Variants in PALD1 observed in about 807,000 individuals in gnomAD.
The protein encoded by PALD1 is paladin.
Under a neutral mutation model 96.0 loss-of-function variants are expected in PALD1, and 57 were observed. The ratio of observed to expected loss-of-function variants is 0.59; its 90% CI spans 0.48 to 0.74. The LOEUF (loss-of-function observed/expected upper bound fraction) is 0.74, where lower values mean the gene tolerates loss of function less well. Among genes scored for constraint, PALD1 ranks in the 30% least tolerant of loss-of-function variants. The pLI is 0.00. For missense variants in PALD1, 1,063 were observed against 1,143.7 expected (o/e 0.93, Z 1.02); for synonymous variants, 464 against 473.6 (o/e 0.98, Z 0.26).
intron 12 of PALD1, 116 bp from the exon 13 acceptor site, chr10:70,538,776 G>T (rs1847167763): frequency 1.2e-6 from 1 of 855,780 alleles, no homozygotes. Context: ...GGAGTGCTTT[G>T]TAAACTGTGA....
At chr10:70,483,486 T>A (rs1845968187) in intron 1 of PALD1, among the ~76,000 whole-genome samples, 1 of 151,952 alleles carries the variant, frequency 6.6e-6, no homozygotes, top group Non-Finnish European at 1.5e-5. Context: ...TTTCAGAAAT[T>A]CCCCAAGGAG....
chr10:70,482,848 C>T (rs1330148498), intron 1 of PALD1, among the ~76,000 whole-genome samples: 1 of 152,096 alleles, frequency 6.6e-6, no homozygotes, highest in Non-Finnish European at 1.5e-5. Context: ...GCCTCCGAGG[C>T]TGTCTGGCTC....
chr10:70,491,687 A>C (rs1809619266), intron 1 of PALD1, among the ~76,000 whole-genome samples: 1 of 152,196 alleles, frequency 6.6e-6, no homozygotes, highest in South Asian at 2.1e-4. Flanking sequence ...AAACATTTTC[A>C]GTTCCAAAAC....
chr10:70,532,913 C>G lies in PALD1; in HGVS notation c.795-82C>G. The stretch of plus-strand genomic sequence containing the variant: ...ATGTCTCCCACAGTGGGGCCCATTT[C>G]CAAACAGTGCCCGGGAATAGGGGGT... On this transcript the variant is annotated intron_variant, in intron 6 of 19. Transcript: ENST00000263563. 2.0e-6 allele frequency: 3 copies of G among 1,514,324 alleles called. No homozygotes were observed. In the South Asian group the frequency reaches 3.5e-5, roughly 18 times the overall value. The allele number at this position is 1,514,324 out of a possible 1,614,324, so 93.8% of individuals were successfully genotyped here.
At chr10:70,461,468 G>A in the PALD1 span, among the ~76,000 whole-genome samples, 132 of 152,328 alleles carry the variant, frequency 8.7e-4, no homozygotes, top group African/African-American at 3.0e-3. Context: ...TGCCTCTCCC[G>A]TGCCTAGCAC....
At chr10:70,458,985 GC>G in the PALD1 span, among the ~76,000 whole-genome samples, 1 of 152,228 alleles carries the variant, frequency 6.6e-6, no homozygotes, top group African/African-American at 2.4e-5. Context: ...GTGCTGCACT[GC>G]TAAACCAAGG....
intron 2 of PALD1, 95 bp from the exon 3 acceptor site, chr10:70,529,134 G>A (rs1427018051): frequency 2.0e-5 from 13 of 650,444 alleles, no homozygotes; most frequent in Admixed American, 1.3e-4. Flanking sequence ...AGCCACAGGG[G>A]TTTTCCTGCG....
intron 2 of PALD1, among the ~76,000 whole-genome samples, chr10:70,526,777 A>G (rs1846877766): frequency 6.6e-6 from 1 of 152,194 alleles, no homozygotes; most frequent in Admixed American, 6.5e-5. Context: ...TGTTGGATCC[A>G]TCTCCTGGTG....
chr10:70,551,210 C>T (rs1052924154), intron 18 of PALD1, among the ~76,000 whole-genome samples: 11 of 152,190 alleles, frequency 7.2e-5, no homozygotes, highest in African/African-American at 2.7e-4. Context: ...CCCTACCACC[C>T]CTTCTCTCTA....
At chr10:70,524,701 A>G (rs1846816254) in intron 1 of PALD1, among the ~76,000 whole-genome samples, 1 of 152,104 alleles carries the variant, frequency 6.6e-6, no homozygotes, top group Non-Finnish European at 1.5e-5. Context: ...TCTGTCCTAG[A>G]TGTCTTTCCA....
At chr10:70,535,646 TC>T (rs1232141531) in intron 10 of PALD1, among the ~76,000 whole-genome samples, 2 of 146,254 alleles carry the variant, frequency 1.4e-5, no homozygotes, top group East Asian at 4.5e-4. Context: ...TCCTCCTCCC[TC>T]CTCCCTTCCT....
chr10:70,529,207 T>TTGGGGGG, intron 2 of PALD1, 22 bp from the exon 3 acceptor site: 1 of 391,774 alleles, frequency 2.6e-6, no homozygotes, highest in Non-Finnish European at 4.6e-6. Context: ...GTTTCCATTC[T>TTGGGGGG]GCCCCCCCCC....
intron 1 of PALD1, among the ~76,000 whole-genome samples, chr10:70,489,872 T>A (rs1287928493): frequency 3.3e-5 from 5 of 152,226 alleles, no homozygotes; most frequent in Non-Finnish European, 7.3e-5. Flanking sequence ...ATTCTAGACA[T>A]TTCATATAAA....
intron 1 of PALD1, among the ~76,000 whole-genome samples, chr10:70,494,250 A>G (rs371830176): frequency 2.6e-5 from 4 of 152,146 alleles, no homozygotes; most frequent in Non-Finnish European, 5.9e-5. Flanking sequence ...TCTTCCCTGC[A>G]TCTCCTTGTA....
intron 1 of PALD1, among the ~76,000 whole-genome samples, chr10:70,524,397 C>T (rs968325862): frequency 3.3e-5 from 5 of 152,134 alleles, no homozygotes; most frequent in African/African-American, 7.2e-5. Context: ...CTCTGGCTCT[C>T]GGACCCCTGA....
rs143066563 is a variant in PALD1, at chr10:70,544,608, A to C, written c.2122-2698A>C. On this transcript the variant is annotated intron_variant, in intron 17 of 19. Coordinates refer to ENST00000263563, the MANE Select transcript of PALD1 (RefSeq NM_014431.3). ...GAGGAGGGCACCTAGGATGACCTCGAGTTTCTGGCTTTGCAGTAGTGACAG... is the reference window on the plus strand; with the variant it reads ...GAGGAGGGCACCTAGGATGACCTCGCGTTTCTGGCTTTGCAGTAGTGACAG... 4.8e-3 allele frequency among the ~76,000 whole-genome samples: 733 copies of C among 152,124 alleles called. 1 individual carries two copies. Among genetic ancestry groups the C allele is most frequent in the African/African-American group, 0.017 (693 of 41,494 alleles).
chr10:70,560,149 G>A (rs1847707268), intron 18 of PALD1, among the ~76,000 whole-genome samples: 1 of 152,218 alleles, frequency 6.6e-6, no homozygotes, highest in South Asian at 2.1e-4. Context: ...GGCAGAGGAG[G>A]CTAAGAAGGG....
At chr10:70,553,954 T>C (rs1320025198) in intron 18 of PALD1, among the ~76,000 whole-genome samples, 1 of 152,218 alleles carries the variant, frequency 6.6e-6, no homozygotes, top group Non-Finnish European at 1.5e-5. Flanking sequence ...TATTTTCCAC[T>C]GGGACAGACC....
intron 1 of PALD1, among the ~76,000 whole-genome samples, chr10:70,507,285 G>A (rs1846410999): frequency 6.6e-6 from 1 of 151,958 alleles, no homozygotes; most frequent in Non-Finnish European, 1.5e-5. Context: ...GGTGGCGGGT[G>A]CCTATAATCC....
Sources: allele counts gnomAD v4.1 joint callset (sites outside exome capture counted in the v4.1 genomes callset), GRCh38; gene constraint gnomAD v4.1.1; transcripts MANE v1.5; gene names NCBI Gene and HGNC (gene_info 2026-07-23, HGNC 2026-07-21).